Variants in HYAL2 observed in about 807,000 individuals in gnomAD.
HYAL2 encodes the protein hyaluronidase-2.
A neutral mutation model predicts 35.4 loss-of-function variants in HYAL2; 30 were observed. The observed-to-expected ratio is 0.85, with a 90% confidence interval of 0.63 to 1.15. The LOEUF is 1.15. HYAL2 is among the 50% of genes most tolerant of loss of function. The pLI, the probability that HYAL2 is intolerant of heterozygous loss-of-function variation, is 0.00. For missense variants in HYAL2, 635 were observed against 646.5 expected (o/e 0.98, Z 0.19); for synonymous variants, 262 against 252.8 (o/e 1.04, Z -0.34).
At chr3:50,319,436 A>T in intron 2 of HYAL2, 133 bp downstream of exon 2, 1 of 763,198 alleles carries the variant, frequency 1.3e-6, no homozygotes, top group Non-Finnish European at 2.1e-6. Context: ...TTCAGGTTAT[A>T]GACAGAATGA....
At position 50,319,809 on chromosome 3, in the gene HYAL2, G is replaced by A. The variant is rs782547130; in HGVS notation, c.681C>T (p.Cys227=). The change falls in exon 2 of 4, where the codon TGC becomes TGT. Residue 227 remains cysteine (C), a synonymous_variant. Transcript: ENST00000357750. ...VQNWESYTGR[C]PDVEVARNDQ... ...CATTGCGGGCCACCTCAACATCAGG[G>A]CAGCGGCCTGTGTAGCTCTCCCAGT... is the stretch of plus-strand genomic sequence containing the variant. 3.1e-6 allele frequency: 5 copies of A among 1,613,754 alleles called. No homozygotes were observed. Among genetic ancestry groups the A allele is most frequent in the Admixed American group, 1.7e-5 (1 of 60,018 alleles).
At position 50,322,450 on chromosome 3, in the gene HYAL2, G is replaced by T. The variant is rs587637708; in HGVS notation, c.-47+203C>A. ...TACGCTCCACAGGCCTCTCCCGGTG[G>T]GGGGCAGGCTTAGACCCTGGCGAGC... On this transcript the variant is annotated intron_variant, in intron 1 of 3. Transcript: ENST00000357750. This position sits in a 1 kb window ranked among gnomAD's most constrained non-coding sequence, Gnocchi z 5.5. 6.6e-6 allele frequency: 1 copy of T among 152,130 alleles called. No homozygotes were observed. Among genetic ancestry groups the T allele is most frequent in the Non-Finnish European group, 1.5e-5 (1 of 68,044 alleles). 9.4% of individuals were successfully genotyped at this position (152,130 alleles called of 1,614,324 possible).
At chr3:50,321,217 T>C (rs1222579168) in intron 1 of HYAL2, 1 of 152,030 alleles carries the variant, frequency 6.6e-6, no homozygotes, top group African/African-American at 2.4e-5. Flanking sequence ...CGGGTCTTTG[T>C]GCGGGACCCC....
In HYAL2 at chr3:50,319,569, C is replaced by T. The variant is rs1553716137; in HGVS notation, c.921G>A (p.Glu307=). The T allele has an allele frequency of 1.9e-6, 3 of 1,607,390 alleles. No individual in the cohort carries two copies. The Admixed American group carries it at 5.0e-5, about 27-fold the overall frequency. The change falls in exon 2 of 4, where the codon GAG becomes GAA. Residue 307 remains glutamate (E), a splice_region_variant and synonymous_variant. Coordinates refer to ENST00000357750, the MANE Select transcript of HYAL2 (RefSeq NM_003773.5). The part of the protein sequence containing the change: ...TYSRRLTGLS[E]MDLISTIGES... ...AAGGCAGGGCCCTGGAGACACATAC[C>T]TCACTAAGCCCCGTGAGCCTGCGGC...
chr3:50,319,150 G>A (rs1389440190), intron 2 of HYAL2, 105 bp from the exon 3 acceptor site: 4 of 724,994 alleles, frequency 5.5e-6, no homozygotes, highest in Non-Finnish European at 8.9e-6. Flanking sequence ...TGAACTCCCA[G>A]CTCAACCCCC....
Position 50,319,936 on chromosome 3 carries a change from T to C in HYAL2, c.554A>G (p.Gln185Arg), listed in dbSNP as rs1702648118. The C allele has an allele frequency of 6.2e-7, 1 of 1,613,692 alleles. No individual in the cohort carries two copies. Among genetic ancestry groups the C allele is most frequent in the Non-Finnish European group, 8.5e-7 (1 of 1,180,040 alleles). ...AQYEFEFAAQ[Q>R]FMLETLRYVK... is the part of the protein sequence containing the mutation. ...ATAACGCAGTGTCTCCAGCATGAACTGCTGTGCTGCGAACTCAAACTCATA... is the reference window on the plus strand; with the variant it reads ...ATAACGCAGTGTCTCCAGCATGAACCGCTGTGCTGCGAACTCAAACTCATA... The change falls in exon 2 of 4, where the codon CAG (glutamine) becomes CGG (arginine). Residue 185 changes from glutamine (Q) to arginine (R), a missense_variant. Coordinates refer to ENST00000357750, the MANE Select transcript of HYAL2 (RefSeq NM_003773.5).
rs1183327404 is a variant in HYAL2, at chr3:50,318,021, G to A, written c.*108C>T. ...GGATGCCCTCCTGGGCTTCCTGGGG[G>A]CTCTGCCCACTCCAGACTCCAGTTT... On this transcript the variant is annotated 3_prime_UTR_variant, in exon 4 of 4. Transcript: ENST00000357750. This position sits in a 1 kb window ranked among gnomAD's most constrained non-coding sequence, Gnocchi z 4.5. The A allele has an allele frequency of 4.8e-6, 6 of 1,251,348 alleles. No homozygotes were observed. In the African/African-American group the frequency reaches 9.0e-5, roughly 19 times the overall value. 77.5% of individuals were successfully genotyped at this position (1,251,348 alleles called of 1,614,324 possible).
intron 2 of HYAL2, 143 bp from the exon 3 acceptor site, chr3:50,319,188 GT>G: frequency 1.7e-6 from 1 of 597,868 alleles, no homozygotes; most frequent in Non-Finnish European, 2.8e-6. Context: ...AGGCTCATTT[GT>G]TTTGCTTCCT....
Position 50,320,145 on chromosome 3 carries a change from T to G in HYAL2, c.345A>C (p.Lys115Asn). 6.2e-7 allele frequency: 1 copy of G among 1,613,868 alleles called. No individual in the cohort carries two copies. Among genetic ancestry groups the G allele is most frequent in the Non-Finnish European group, 8.5e-7 (1 of 1,180,040 alleles). The change falls in exon 2 of 4, where the codon AAA becomes AAC. Residue 115 changes from lysine to asparagine, a missense_variant. Coordinates refer to ENST00000357750, the MANE Select transcript of HYAL2 (RefSeq NM_003773.5). The surrounding 1 kb of genome is among the most constrained non-coding windows in gnomAD (Gnocchi z 4.8). The part of the protein sequence containing the change: ...SLWAHRKMLQ[K>N]RVEHYIRTQE... ...GTGTCCGAATGTAGTGCTCCACACG[T>G]TTCTGCAGCATCTTCCGGTGTGCCC...
chr3:50,317,990 T>C lies in HYAL2; in HGVS notation c.*139A>G. On this transcript the variant is annotated 3_prime_UTR_variant, in exon 4 of 4. Coordinates refer to ENST00000357750, the MANE Select transcript of HYAL2 (RefSeq NM_003773.5). The stretch of plus-strand genomic sequence containing the variant: ...CCCCTTAGAACAGGGGGGTGCGAGC[T>C]GGTATGGATGCCCTCCTGGGCTTCC... 1.2e-6 allele frequency: 1 copy of C among 866,134 alleles called. No individual in the cohort carries two copies. The highest frequency in any genetic ancestry group is 1.8e-5 in the South Asian group (1 of 55,570). 53.7% of individuals were successfully genotyped at this position (866,134 alleles called of 1,614,324 possible).
At position 50,320,157 on chromosome 3, in the gene HYAL2, C is replaced by A. The variant is rs781783449; in HGVS notation, c.333G>T (p.Lys111Asn). 1.2e-6 allele frequency: 2 copies of A among 1,613,788 alleles called. No individual in the cohort carries two copies. The highest frequency in any genetic ancestry group is 8.5e-7 in the Non-Finnish European group (1 of 1,180,054). Reference sequence around the variant, plus strand: ...AGTGCTCCACACGTTTCTGCAGCATCTTCCGGTGTGCCCAAAGGCTGACAT... The same window carrying A: ...AGTGCTCCACACGTTTCTGCAGCATATTCCGGTGTGCCCAAAGGCTGACAT... Reference protein sequence around the residue: ...PQNVSLWAHRKMLQKRVEHYI... With the variant: ...PQNVSLWAHRNMLQKRVEHYI... The change falls in exon 2 of 4, where the codon AAG becomes AAT. Residue 111 changes from lysine (K) to asparagine (N), a missense_variant. Physicochemically the swap from Lys to Asn is moderately conservative, Grantham distance 94. Transcript: ENST00000357750. The surrounding 1 kb of genome is among the most constrained non-coding windows in gnomAD (Gnocchi z 4.8).
chr3:50,319,993 CAGTCAGGGT>C lies in HYAL2; in HGVS notation c.488_496del (p.His163_Trp166delinsArg). On this transcript the variant is annotated inframe_deletion, in exon 2 of 4. Coordinates refer to ENST00000357750, the MANE Select transcript of HYAL2 (RefSeq NM_003773.5). Reference sequence around the variant, plus strand: ...CTGTTTGACTATGCGGTCTGGAGGCCAGTCAGGGTGACGACTGGCCACTAGCTGGCGTGA... The same window carrying C: ...CTGTTTGACTATGCGGTCTGGAGGCCGACGACTGGCCACTAGCTGGCGTGA... 6.2e-7 allele frequency: 1 copy of C among 1,613,410 alleles called. No homozygotes were observed. The highest frequency in any genetic ancestry group is 8.5e-7 in the Non-Finnish European group (1 of 1,180,044).
At position 50,320,473 on chromosome 3, in the gene HYAL2, C is replaced by T; in HGVS notation, c.17G>A (p.Gly6Asp). Reference sequence around the variant, plus strand: ...CACCAGGGCCAATGTAACGGTGGGGCCTGGGCCTGCCCGCATGCTGGGGGC... The same window carrying T: ...CACCAGGGCCAATGTAACGGTGGGGTCTGGGCCTGCCCGCATGCTGGGGGC... MRAGP[G>D]PTVTLALVLA... Residue 6 changes from glycine to aspartate, a missense_variant, in exon 2 of 4, where the codon GGC becomes GAC. Gly to Asp is a moderately conservative substitution (Grantham distance 94, BLOSUM62 -1). Transcript: ENST00000357750. The surrounding 1 kb of genome is among the most constrained non-coding windows in gnomAD (Gnocchi z 4.8). The T allele has an allele frequency of 6.5e-7, 1 of 1,545,182 alleles. No homozygotes were observed.
chr3:50,319,717 A>G lies in HYAL2; in HGVS notation c.773T>C (p.Leu258Pro). 1 of 1,613,800 alleles carries G rather than the reference A, an allele frequency of 6.2e-7. No homozygotes were observed. The highest frequency in any genetic ancestry group is 8.5e-7 in the Non-Finnish European group (1 of 1,180,038). The stretch of plus-strand genomic sequence containing the variant: ...GTTGCGGCCATGGCGGGAGGAAGCA[A>G]GTGTCTCGTCCAGGTAGACAGACGG... Reference protein sequence around the residue: ...LFPSVYLDETLASSRHGRNFV... With the variant: ...LFPSVYLDETPASSRHGRNFV... Residue 258 changes from leucine to proline, a missense_variant, in exon 2 of 4, where the codon CTT becomes CCT. Leu to Pro is a moderately conservative substitution (Grantham distance 98). Coordinates refer to ENST00000357750, the MANE Select transcript of HYAL2 (RefSeq NM_003773.5).
In HYAL2 at chr3:50,319,963, T is replaced by C. The variant is rs1553716323; in HGVS notation, c.527A>G (p.Gln176Arg). ...CTGTGCTGCGAACTCAAACTCATAT[T>C]GTGCCTGTTTGACTATGCGGTCTGG... ...WPPDRIVKQAQYEFEFAAQQF... is the reference protein window; with the variant it reads ...WPPDRIVKQARYEFEFAAQQF... The change falls in exon 2 of 4, where the codon CAA (glutamine) becomes CGA (arginine). Residue 176 changes from glutamine (Q) to arginine (R), a missense_variant. Physicochemically the swap from Gln to Arg is conservative, Grantham distance 43. Coordinates refer to ENST00000357750, the MANE Select transcript of HYAL2 (RefSeq NM_003773.5). 6.2e-7 allele frequency: 1 copy of C among 1,613,596 alleles called. No individual in the cohort carries two copies. The highest frequency in any genetic ancestry group is 8.5e-7 in the Non-Finnish European group (1 of 1,180,042).
Position 50,318,376 on chromosome 3 carries a change from T to C in HYAL2, c.1175A>G (p.Asn392Ser), listed in dbSNP as rs1702602657. The part of the protein sequence containing the change: ...SASTFLHLST[N>S]SFRLVPGHAP... ...ATGGCCAGGCACTAGGCGGAAACTG[T>C]TGGTGCTGAGATGCAGGAAGGTACT... Residue 392 changes from asparagine to serine, a missense_variant, in exon 4 of 4, where the codon AAC becomes AGC. Transcript: ENST00000357750. The surrounding 1 kb of genome is among the most constrained non-coding windows in gnomAD (Gnocchi z 4.5). 2 of 1,613,366 alleles carry C rather than the reference T, an allele frequency of 1.2e-6. No individual in the cohort carries two copies. Among genetic ancestry groups the C allele is most frequent in the Admixed American group, 1.7e-5 (1 of 60,032 alleles).
chr3:50,318,909 T>C lies in HYAL2; in HGVS notation c.1011+47A>G. ...GGTTGGTAGCCAAAGGCCCTAACTC[T>C]CTGTCTGTCCCATAGACTGAGCTCT... On this transcript the variant is annotated intron_variant, in intron 3 of 3. Transcript: ENST00000357750. The surrounding 1 kb of genome is among the most constrained non-coding windows in gnomAD (Gnocchi z 4.5). 6.5e-7 allele frequency: 1 copy of C among 1,535,774 alleles called. No individual in the cohort carries two copies.
At position 50,320,511 on chromosome 3, in the gene HYAL2, C is replaced by T. The variant is rs1702664332; in HGVS notation, c.-22G>A. On this transcript the variant is annotated 5_prime_UTR_variant, in exon 2 of 4. Transcript: ENST00000357750. The surrounding 1 kb of genome is among the most constrained non-coding windows in gnomAD (Gnocchi z 4.8). Reference sequence around the variant, plus strand: ...GCATGCTGGGGGCTGCAGGAGGTGTCACCTGCCTGGCACCAGCTCAGGAAC... The same window carrying T: ...GCATGCTGGGGGCTGCAGGAGGTGTTACCTGCCTGGCACCAGCTCAGGAAC... 6.6e-7 allele frequency: 1 copy of T among 1,509,496 alleles called. No homozygotes were observed. The highest frequency in any genetic ancestry group is 8.8e-7 in the Non-Finnish European group (1 of 1,133,372). The allele number at this position is 1,509,496 out of a possible 1,614,324, so 93.5% of individuals were successfully genotyped here.
rs782710947 is a variant in HYAL2, at chr3:50,318,127, C to T, written c.*2G>A. 31 of 1,553,912 alleles carry T rather than the reference C, an allele frequency of 2.0e-5. No homozygotes were observed. The South Asian group carries it at 3.8e-4, about 19-fold the overall frequency. ...CTTGCTAGGCAGCTAGGCAGGAGACCCCTACAAGGTCCAGGTAAAGGCCAG... is the reference window on the plus strand; with the variant it reads ...CTTGCTAGGCAGCTAGGCAGGAGACTCCTACAAGGTCCAGGTAAAGGCCAG... On this transcript the variant is annotated 3_prime_UTR_variant, in exon 4 of 4. Coordinates refer to ENST00000357750, the MANE Select transcript of HYAL2 (RefSeq NM_003773.5). The surrounding 1 kb of genome is among the most constrained non-coding windows in gnomAD (Gnocchi z 4.5).
Sources: allele counts gnomAD v4.1 joint callset, GRCh38; gene constraint gnomAD v4.1.1; non-coding constraint Gnocchi (gnomAD v3.1); transcripts MANE v1.5; gene names NCBI Gene and HGNC (gene_info 2026-07-23, HGNC 2026-07-21).